The following IFT81 variants were observed in gnomAD, a reference collection of about 807,000 sequenced individuals.
IFT81 encodes intraflagellar transport 81.
In IFT81, 72 loss-of-function variants were observed where a neutral mutation model predicts 102.6. The observed-to-expected ratio is 0.70, with a 90% CI of 0.58 to 0.85. The LOEUF is 0.85. IFT81 is among the 40% of genes least tolerant of loss of function. IFT81 has a pLI of 0.00. For missense variants in IFT81, 723 were observed against 787.3 expected (o/e 0.92, Z 0.98); for synonymous variants, 237 against 242.7 (o/e 0.98, Z 0.22).
intron 14 of IFT81, chr12:110,203,508 G>A (rs1309008024): frequency 2.1e-5 from 4 of 191,672 alleles, no homozygotes; most frequent in Admixed American, 1.1e-4. Flanking sequence ...TTAGGTTCCC[G>A]GGAGTCCTGT....
At chr12:110,203,664 C>T (rs1054685273) in intron 14 of IFT81, 200 bp from the exon 15 acceptor site, 2 of 586,154 alleles carry the variant, frequency 3.4e-6, no homozygotes, top group African/African-American at 1.9e-5. Flanking sequence ...GCACACAGCT[C>T]AATACATGGT....
intron 10 of IFT81, 131 bp from the exon 11 acceptor site, chr12:110,162,788 G>A (rs1290730373): frequency 2.9e-6 from 2 of 681,224 alleles, no homozygotes; most frequent in Non-Finnish European, 4.9e-6. Context: ...AGGGCAAGGA[G>A]TATTGGTTAA....
At chr12:110,197,151 T>C (rs539209469) in intron 14 of IFT81, among the ~76,000 whole-genome samples, 29 of 152,198 alleles carry the variant, frequency 1.9e-4, no homozygotes, top group African/African-American at 7.0e-4. Context: ...TGAGACCTGA[T>C]AGCACCACTG....
intron 12 of IFT81, among the ~76,000 whole-genome samples, chr12:110,185,295 C>T (rs1002064730): frequency 2.0e-5 from 3 of 152,164 alleles, no homozygotes; most frequent in Non-Finnish European, 2.9e-5. Context: ...AAGTGATTCT[C>T]CCGCCTCAGC....
At chr12:110,175,895 T>C (rs530807919) in intron 11 of IFT81, among the ~76,000 whole-genome samples, 2 of 152,300 alleles carry the variant, frequency 1.3e-5, no homozygotes, top group South Asian at 4.1e-4. Context: ...GGCTCCCTTT[T>C]TCTATATTGC....
intron 18 of IFT81, among the ~76,000 whole-genome samples, chr12:110,211,005 G>C (rs570651934): frequency 6.8e-6 from 1 of 146,526 alleles, no homozygotes; most frequent in African/African-American, 2.5e-5. Context: ...ACAGGAGCAT[G>C]CCACCATGCC....
At chr12:110,161,111 G>A (rs985910448) in intron 10 of IFT81, among the ~76,000 whole-genome samples, 95 of 146,106 alleles carry the variant, frequency 6.5e-4, no homozygotes, top group Non-Finnish European at 1.2e-3. Flanking sequence ...AGAGTCTGGC[G>A]TTCTATCATT....
Position 110,205,657 on chromosome 12 carries a change from A to G in IFT81, c.1779A>G (p.Gln593=), listed in dbSNP as rs780533104. ...TGAAGGCATATATCTCTTCTGATCA[A>G]CAAGAAAAAAGAAAGGCAATTAGGC... ...DEMKAYISSD[Q]QEKRKAIREQ... Residue 593 remains glutamine (Q), a synonymous_variant, in exon 17 of 19, where the codon CAA becomes CAG. Transcript: ENST00000242591. The G allele has an allele frequency of 1.3e-6, 2 of 1,590,304 alleles. No homozygotes were observed. The highest frequency in any genetic ancestry group is 1.7e-6 in the Non-Finnish European group (2 of 1,172,272).
At chr12:110,168,957 G>T (rs1328579512) in intron 11 of IFT81, 1 of 151,976 alleles carries the variant, frequency 6.6e-6, no homozygotes, top group Non-Finnish European at 1.5e-5. Context: ...AGTATATGAA[G>T]AGTGTGCTTT....
At chr12:110,164,357 A>G (rs1896319655) in intron 11 of IFT81, among the ~76,000 whole-genome samples, 1 of 152,150 alleles carries the variant, frequency 6.6e-6, no homozygotes, top group African/African-American at 2.4e-5. Flanking sequence ...TGAATAAATG[A>G]AGTCAAATAT....
intron 8 of IFT81, among the ~76,000 whole-genome samples, chr12:110,139,866 TATAAAATAAA>T (rs1222136752): frequency 0.025 from 3,186 of 130,040 alleles, 44 homozygotes; most frequent in Middle Eastern, 0.076. Context: ...TAAAATAAAA[TATAAAATAAA>T]ATAAAATAAA....
chr12:110,141,725 T>C (rs1445633340), intron 8 of IFT81, among the ~76,000 whole-genome samples: 1 of 151,860 alleles, frequency 6.6e-6, no homozygotes, highest in Non-Finnish European at 1.5e-5. Flanking sequence ...CTACTAAAAA[T>C]ACAAAAAATT....
intron 18 of IFT81, chr12:110,216,667 T>C (rs191389501): frequency 4.6e-6 from 2 of 436,006 alleles, no homozygotes; most frequent in Admixed American, 2.6e-5. Flanking sequence ...CATGCCACCA[T>C]GTCCGGCTAA....
chr12:110,217,497 CCTAA>C (rs369018732), intron 18 of IFT81, among the ~76,000 whole-genome samples: 4 of 152,150 alleles, frequency 2.6e-5, no homozygotes, highest in East Asian at 1.9e-4. Flanking sequence ...GTTCCACTTT[CCTAA>C]CTATCTTTTT....
intron 11 of IFT81, among the ~76,000 whole-genome samples, chr12:110,172,308 GCCT>G (rs758312946): frequency 6.8e-6 from 1 of 147,508 alleles, no homozygotes; most frequent in Non-Finnish European, 1.5e-5. Context: ...CTCTGCCTCT[GCCT>G]CCTCTGCCTC....
At position 110,128,986 on chromosome 12, in the gene IFT81, A is replaced by G. The variant is rs61739628; in HGVS notation, c.285A>G (p.Lys95=). Residue 95 remains lysine (K), a synonymous_variant, in exon 4 of 19, where the codon AAA becomes AAG. Coordinates refer to ENST00000242591, the MANE Select transcript of IFT81 (RefSeq NM_014055.4). ...TFRQGLVIGS[K]PVIYPVLHWL... is the part of the protein sequence containing the mutation. ...GTCAGGGTTTGGTGATTGGAAGTAAACCTGTAATTTACCCAGTGCTCCACT... is the reference window on the plus strand; with the variant it reads ...GTCAGGGTTTGGTGATTGGAAGTAAGCCTGTAATTTACCCAGTGCTCCACT... The G allele has an allele frequency of 1.2e-6, 2 of 1,613,476 alleles. No individual in the cohort carries two copies. The highest frequency in any genetic ancestry group is 1.7e-6 in the Non-Finnish European group (2 of 1,179,854).
At chr12:110,153,633 GAA>G (rs1432654291) in intron 10 of IFT81, among the ~76,000 whole-genome samples, 1 of 142,288 alleles carries the variant, frequency 7.0e-6, no homozygotes, top group Non-Finnish European at 1.5e-5. Flanking sequence ...TTTTTTAGAC[GAA>G]GTTTCGCTCT....
Position 110,166,841 on chromosome 12 carries a change from G to C in IFT81, c.1188+3776G>C, listed in dbSNP as rs954089685. Among the ~76,000 whole-genome samples, 10 of 151,742 alleles carry C rather than the reference G, an allele frequency of 6.6e-5. 1 individual carries two copies. The highest frequency in any genetic ancestry group is 2.4e-4 in the African/African-American group (10 of 41,330). On this transcript the variant is annotated intron_variant, in intron 11 of 18. Coordinates refer to ENST00000242591, the MANE Select transcript of IFT81 (RefSeq NM_014055.4). ...TTAATTGGGAAGTGTATATTTGCCA[G>C]AAATTATATGACAGCCATTTGTTTG... is the stretch of plus-strand genomic sequence containing the variant.
chr12:110,162,343 T>C (rs1896181695), intron 10 of IFT81: 1 of 148,730 alleles, frequency 6.7e-6, no homozygotes, highest in Non-Finnish European at 1.5e-5. Flanking sequence ...TTTTTTTTTT[T>C]TTTTTTTTTC....
Sources: gnomAD v4.1 joint callset for allele counts (sites outside exome capture counted in the v4.1 genomes callset) on GRCh38, gnomAD v4.1.1 for gene constraint, MANE v1.5 for transcripts, NCBI Gene and HGNC (gene_info 2026-07-23, HGNC 2026-07-21) for gene names.